TNIK: variants seen among roughly 807,000 people sequenced by gnomAD.
The protein encoded by TNIK is TRAF2 and NCK-interacting protein kinase.
TNIK carries 49 observed loss-of-function variants against 191.3 expected under a neutral mutation model. The ratio of observed to expected loss-of-function variants is 0.26; its 90% CI spans 0.20 to 0.32. The LOEUF is 0.32. TNIK is among the 10% of genes least tolerant of loss of function. The probability of loss-of-function intolerance (pLI) is 1.00; values close to 1 mark genes in which losing one functional copy is unlikely to be tolerated. For synonymous variants in TNIK, 594 were observed against 600.9 expected (o/e 0.99, Z 0.17); for missense variants, 1,155 against 1,702.3 (o/e 0.68, Z 5.66).
intron 2 of TNIK, among the ~76,000 whole-genome samples, chr3:171,342,393 A>G (rs1177900331): frequency 6.6e-6 from 1 of 152,266 alleles, no homozygotes. Flanking sequence ...TTGTTTACTC[A>G]GTAGGAATAC....
intron 5 of TNIK, among the ~76,000 whole-genome samples, chr3:171,193,291 T>C (rs1324507076): frequency 6.6e-6 from 1 of 152,242 alleles, no homozygotes; most frequent in Non-Finnish European, 1.5e-5. Context: ...TTGGTTATTC[T>C]TGGCCCTTTG....
At chr3:171,209,454 CTTTAT>C (rs1472694964) in intron 4 of TNIK, among the ~76,000 whole-genome samples, 1 of 151,886 alleles carries the variant, frequency 6.6e-6, no homozygotes, top group Non-Finnish European at 1.5e-5. Context: ...TGCATTTTTA[CTTTAT>C]GTTTTTTGTT....
At chr3:171,138,712 C>A (rs1730372351) in intron 14 of TNIK, among the ~76,000 whole-genome samples, 1 of 152,110 alleles carries the variant, frequency 6.6e-6, no homozygotes, top group Admixed American at 6.5e-5. Flanking sequence ...GGTCGGCATA[C>A]AACTCCTAGA....
intron 2 of TNIK, among the ~76,000 whole-genome samples, chr3:171,347,930 AAAG>A (rs1352052249): frequency 2.0e-5 from 3 of 152,166 alleles, no homozygotes; most frequent in African/African-American, 7.2e-5. Flanking sequence ...GGCTCTAAGA[AAAG>A]AAGACTTACA....
At chr3:171,141,494 G>A (rs1423599542) in intron 12 of TNIK, among the ~76,000 whole-genome samples, 3 of 152,196 alleles carry the variant, frequency 2.0e-5, no homozygotes, top group Non-Finnish European at 4.4e-5. Context: ...GTTAGAACTA[G>A]GCCAAGCAGT....
In TNIK at chr3:171,153,183, T is replaced by C. The variant is rs112183451; in HGVS notation, c.1221+4277A>G. 1.7e-3 allele frequency among the ~76,000 whole-genome samples: 253 copies of C among 152,302 alleles called. 2 individuals are homozygous for C. The highest frequency in any genetic ancestry group is 3.7e-3 in the African/African-American group (154 of 41,562). ...GCTGGCCCCTTTAACTCCATCCTTA[T>C]GCTTGCATACTAAATCTTTGCTTCT... On this transcript the variant is annotated intron_variant, in intron 12 of 32. Coordinates refer to ENST00000436636, the MANE Select transcript of TNIK (RefSeq NM_015028.4).
intron 2 of TNIK, among the ~76,000 whole-genome samples, chr3:171,262,774 C>A (rs963112793): frequency 6.6e-6 from 1 of 152,192 alleles, no homozygotes; most frequent in Admixed American, 6.5e-5. Context: ...AATATCCATG[C>A]CTCAATAAAA....
intron 2 of TNIK, among the ~76,000 whole-genome samples, chr3:171,231,308 T>C: frequency 6.7e-6 from 1 of 149,618 alleles, no homozygotes; most frequent in East Asian, 1.9e-4. Context: ...TTGTTGTTGT[T>C]GTTGTTTTGT....
intron 1 of TNIK, among the ~76,000 whole-genome samples, chr3:171,425,060 T>A (rs1273264227): frequency 6.6e-6 from 1 of 152,136 alleles, no homozygotes; most frequent in Non-Finnish European, 1.5e-5. Context: ...AACCGAACTC[T>A]TTACATTAAA....
intron 1 of TNIK, among the ~76,000 whole-genome samples, chr3:171,416,958 T>G (rs1392921221): frequency 1.3e-5 from 2 of 152,212 alleles, no homozygotes; most frequent in African/African-American, 2.4e-5. Flanking sequence ...AACAATGGCT[T>G]ACATAGAGTA....
chr3:171,262,395 T>C (rs1747757141), intron 2 of TNIK, among the ~76,000 whole-genome samples: 1 of 152,108 alleles, frequency 6.6e-6, no homozygotes. Context: ...CAAAAGCTGG[T>C]GTTTCACATC....
chr3:171,439,027 G>A (rs1726403204), intron 1 of TNIK, among the ~76,000 whole-genome samples: 1 of 152,196 alleles, frequency 6.6e-6, no homozygotes, highest in South Asian at 2.1e-4. Context: ...AGCAGCAATA[G>A]CACAATGCTT....
At chr3:171,139,374 G>GCA (rs924569513) in intron 14 of TNIK, 96 bp downstream of exon 14, 22 of 567,332 alleles carry the variant, frequency 3.9e-5, no homozygotes, top group Admixed American at 1.5e-4. Flanking sequence ...ACACACGCAC[G>GCA]CGCGCACACA....
At position 171,157,526 on chromosome 3, in the gene TNIK, C is replaced by T; in HGVS notation, c.1155G>A (p.Arg385=). The T allele has an allele frequency of 6.4e-7, 1 of 1,572,378 alleles. No homozygotes were observed. Among genetic ancestry groups the T allele is most frequent in the Non-Finnish European group, 8.6e-7 (1 of 1,159,200 alleles). The change falls in exon 12 of 33, where the codon CGG becomes CGA. Residue 385 remains arginine (R), a synonymous_variant. Transcript: ENST00000436636. The part of the protein sequence containing the change: ...QQQRENEEHK[R]QLLAERQKRI... ...GCTTCTGACGCTCGGCCAGCAGCTG[C>T]CGCTTGTGCTCCTCATTCTCCCGCT...
In TNIK at chr3:171,426,792, CA is replaced by C. The variant is rs1232288987; in HGVS notation, c.57+33214del. 2.0e-5 allele frequency among the ~76,000 whole-genome samples: 3 copies of C among 152,078 alleles called. No homozygotes were observed. In the East Asian group the frequency reaches 5.8e-4, roughly 29 times the overall value. On this transcript the variant is annotated intron_variant, in intron 1 of 32. Transcript: ENST00000436636. ...GGTAAGGCCACAGTCTCCTGAAGTC[CA>C]GCCTTAGGCAAAGGTGACAGAGGAA... is the stretch of plus-strand genomic sequence containing the variant.
intron 4 of TNIK, among the ~76,000 whole-genome samples, chr3:171,201,816 A>C (rs926226839): frequency 6.6e-6 from 1 of 151,320 alleles, no homozygotes; most frequent in Non-Finnish European, 1.5e-5. Flanking sequence ...ATCTATCTAT[A>C]TATAAACTCT....
chr3:171,313,921 G>A (rs910739955), intron 2 of TNIK, among the ~76,000 whole-genome samples: 5 of 152,154 alleles, frequency 3.3e-5, no homozygotes, highest in African/African-American at 1.2e-4. Flanking sequence ...TAAGTGTGAT[G>A]CTCTATAGTC....
At chr3:171,122,567 C>G (rs1311282100) in intron 18 of TNIK, among the ~76,000 whole-genome samples, 1 of 152,168 alleles carries the variant, frequency 6.6e-6, no homozygotes, top group African/African-American at 2.4e-5. Flanking sequence ...CATGTTATTG[C>G]TGGGCTGACC....
intron 12 of TNIK, among the ~76,000 whole-genome samples, chr3:171,151,802 T>C (rs954654490): frequency 3.3e-5 from 5 of 152,208 alleles, no homozygotes; most frequent in Non-Finnish European, 7.4e-5. Flanking sequence ...ACTGTGATTC[T>C]TAGAGAAACT....
Sources: gnomAD v4.1 joint callset for allele counts (sites outside exome capture counted in the v4.1 genomes callset) on GRCh38, gnomAD v4.1.1 for gene constraint, MANE v1.5 for transcripts, NCBI Gene and HGNC (gene_info 2026-07-23, HGNC 2026-07-21) for gene names.